Variants in EPHA3 observed in about 807,000 individuals in gnomAD.
The protein encoded by EPHA3 is EPH receptor A3, also known as ephrin type-A receptor 3.
EPHA3 carries 42 observed loss-of-function variants against 107.1 expected under a neutral mutation model. The observed-to-expected ratio is 0.39, with a 90% confidence interval of 0.31 to 0.51. The LOEUF is 0.51. Among genes scored for constraint, EPHA3 ranks in the 20% least tolerant of loss-of-function variants. EPHA3 has a pLI of 0.78. For synonymous variants in EPHA3, 461 were observed against 424.8 expected, an observed-to-expected ratio of 1.09 and a Z score of -1.05; for missense variants, 1,183 against 1,211.2, an observed-to-expected ratio of 0.98 and a Z score of 0.35.
At position 89,481,819 on chromosome 3, in the gene EPHA3, C is replaced by T. The variant is rs1015346686; in HGVS notation, c.*2317C>T. ...TCTCTTTGTACAGGAACTGCATTGA[C>T]TTTCAGTAAACATAAAGCCACAACT... On this transcript the variant is annotated 3_prime_UTR_variant, in exon 17 of 17. Transcript: ENST00000336596. 6.9e-5 allele frequency: 16 copies of T among 231,712 alleles called. No individual in the cohort carries two copies. Among genetic ancestry groups the T allele is most frequent in the Non-Finnish European group, 1.0e-4 (12 of 116,936 alleles). The allele number at this position is 231,712 out of a possible 1,614,324, so 14.4% of individuals were successfully genotyped here. A position where few individuals can be genotyped will look rare whatever the true frequency, so the allele number is the denominator to read the frequency against.
At chr3:89,125,799 AT>A (rs1398920634) in intron 1 of EPHA3, among the ~76,000 whole-genome samples, 1 of 151,670 alleles carries the variant, frequency 6.6e-6, no homozygotes, top group Non-Finnish European at 1.5e-5. Flanking sequence ...TACCCATTTA[AT>A]TTATTTATCA....
intron 3 of EPHA3, among the ~76,000 whole-genome samples, chr3:89,262,322 G>A (rs1705435424): frequency 1.3e-5 from 2 of 152,180 alleles, no homozygotes; most frequent in African/African-American, 2.4e-5. Context: ...CTGGAGGCTA[G>A]AAGTCTGGAA....
At chr3:89,361,737 T>C (rs1708095521) in intron 5 of EPHA3, among the ~76,000 whole-genome samples, 1 of 150,994 alleles carries the variant, frequency 6.6e-6, no homozygotes, top group South Asian at 2.1e-4. Flanking sequence ...CTATGCCCAT[T>C]CTCTGCTATC....
At chr3:89,182,032 T>TA (rs1705453988) in intron 2 of EPHA3, among the ~76,000 whole-genome samples, 1 of 151,798 alleles carries the variant, frequency 6.6e-6, no homozygotes. Context: ...GTTAGCTTTT[T>TA]TTTTTTACTA....
At chr3:89,260,027 C>A (rs11916046) in intron 3 of EPHA3, among the ~76,000 whole-genome samples, 36,724 of 152,114 alleles carry the variant, frequency 0.24, 4,875 homozygotes, top group African/African-American at 0.37. Flanking sequence ...AATGTTCCTG[C>A]CTCTGGATGT....
At chr3:89,380,044 G>C (rs1017506286) in intron 5 of EPHA3, among the ~76,000 whole-genome samples, 6 of 152,112 alleles carry the variant, frequency 3.9e-5, no homozygotes, top group African/African-American at 1.4e-4. Flanking sequence ...ATATGGGCCA[G>C]GCATATATAG....
chr3:89,150,593 C>T (rs1411265857), intron 2 of EPHA3, among the ~76,000 whole-genome samples: 3 of 151,928 alleles, frequency 2.0e-5, no homozygotes, highest in Non-Finnish European at 4.4e-5. Context: ...TGCACATATA[C>T]ATATTATTGA....
intron 5 of EPHA3, among the ~76,000 whole-genome samples, chr3:89,359,760 C>CAT (rs1486248259): frequency 7.3e-6 from 1 of 137,264 alleles, no homozygotes; most frequent in Non-Finnish European, 1.6e-5. Context: ...CATATATACA[C>CAT]ATATATACAC....
intron 1 of EPHA3, among the ~76,000 whole-genome samples, chr3:89,121,056 G>A (rs111469053): frequency 0.017 from 2,583 of 151,860 alleles, 67 homozygotes; most frequent in African/African-American, 0.057. Context: ...TGACTAACGC[G>A]GTGAAACCCC....
intron 13 of EPHA3, among the ~76,000 whole-genome samples, chr3:89,438,481 T>TTAAA (rs1709717914): frequency 6.6e-6 from 1 of 151,862 alleles, no homozygotes; most frequent in African/African-American, 2.4e-5. Flanking sequence ...AGCTAAGAGG[T>TTAAA]TAAATATTTC....
At chr3:89,280,885 T>C (rs1288605242) in intron 3 of EPHA3, among the ~76,000 whole-genome samples, 1 of 152,128 alleles carries the variant, frequency 6.6e-6, no homozygotes, top group Non-Finnish European at 1.5e-5. Flanking sequence ...ATGATTCTCG[T>C]GATTAGAATT....
intron 3 of EPHA3, among the ~76,000 whole-genome samples, chr3:89,309,871 C>T (rs573594501): frequency 8.8e-4 from 131 of 149,564 alleles, no homozygotes; most frequent in African/African-American, 3.2e-3. Context: ...TAAAATGCCA[C>T]CCCCCACCCC....
chr3:89,353,396 G>A (rs1339413053), intron 5 of EPHA3, among the ~76,000 whole-genome samples: 3 of 151,288 alleles, frequency 2.0e-5, no homozygotes, highest in South Asian at 2.1e-4. Context: ...GTTCTATGAT[G>A]CATCCTTCTC....
At chr3:89,270,049 G>A (rs1292522651) in intron 3 of EPHA3, among the ~76,000 whole-genome samples, 2 of 151,600 alleles carry the variant, frequency 1.3e-5, no homozygotes, top group African/African-American at 4.9e-5. Flanking sequence ...GCTGCCAAAA[G>A]GACCAAATGT....
At chr3:89,346,677 C>G (rs1559656607) in intron 5 of EPHA3, among the ~76,000 whole-genome samples, 1 of 150,970 alleles carries the variant, frequency 6.6e-6, no homozygotes, top group Non-Finnish European at 1.5e-5. Flanking sequence ...GGTGTTTAGA[C>G]ATGAAGTCCT....
chr3:89,169,612 G>A (rs1179221444), intron 2 of EPHA3, among the ~76,000 whole-genome samples: 1 of 152,110 alleles, frequency 6.6e-6, no homozygotes, highest in Non-Finnish European at 1.5e-5. Flanking sequence ...ACCATACAGT[G>A]TTTTTGTGTA....
intron 2 of EPHA3, among the ~76,000 whole-genome samples, chr3:89,195,696 T>C (rs1241673182): frequency 2.0e-5 from 3 of 152,174 alleles, no homozygotes; most frequent in Non-Finnish European, 4.4e-5. Context: ...GTCCTGGGTG[T>C]TGGGTATCAG....
intron 2 of EPHA3, among the ~76,000 whole-genome samples, chr3:89,138,551 C>T (rs1226073147): frequency 6.6e-6 from 1 of 151,986 alleles, no homozygotes; most frequent in African/African-American, 2.4e-5. Flanking sequence ...TTACTAGGAT[C>T]AGACTGTGAT....
chr3:89,407,433 G>A (rs879640328), intron 8 of EPHA3, 62 bp downstream of exon 8: 12 of 1,353,904 alleles, frequency 8.9e-6, no homozygotes, highest in Admixed American at 1.7e-5. Context: ...GCCACTGATT[G>A]CTGTTAAAAT....
Sources: allele counts gnomAD v4.1 joint callset (sites outside exome capture counted in the v4.1 genomes callset), GRCh38; gene constraint gnomAD v4.1.1; transcripts MANE v1.5; gene names NCBI Gene and HGNC (gene_info 2026-07-23, HGNC 2026-07-21).